COL25A1: variants seen among roughly 807,000 people sequenced by gnomAD.
The protein encoded by COL25A1 is collagen alpha-1(XXV) chain.
COL25A1 carries 103 observed loss-of-function variants against 128.4 expected under a neutral mutation model. That is an observed-to-expected ratio of 0.80 (90% CI 0.68 to 0.94). COL25A1 has a LOEUF of 0.94. Among genes scored for constraint, COL25A1 ranks in the 40% least tolerant of loss-of-function variants. The pLI, the probability that COL25A1 is intolerant of heterozygous loss-of-function variation, is 0.00. For missense variants in COL25A1, 745 were observed against 840.0 expected, an observed-to-expected ratio of 0.89 and a Z score of 1.40; for synonymous variants, 279 against 277.2, an observed-to-expected ratio of 1.01 and a Z score of -0.06.
At position 109,301,694 on chromosome 4, in the gene COL25A1, C is replaced by A. The variant is rs1312839606; in HGVS notation, c.297+29G>T. On this transcript the variant is annotated intron_variant, in intron 2 of 37. Transcript: ENST00000399132. ...AGTCACGCTTGTACAAGATGTTACC[C>A]ACGTGCAAAATACCCCAGCCTCTCA... The A allele has an allele frequency of 2.5e-6, 4 of 1,598,048 alleles. No homozygotes were observed. The African/African-American group carries it at 5.4e-5, about 21-fold the overall frequency.
At chr4:109,093,105 A>G (rs1037999077) in intron 3 of COL25A1, among the ~76,000 whole-genome samples, 3 of 152,156 alleles carry the variant, frequency 2.0e-5, no homozygotes, top group African/African-American at 7.2e-5. Flanking sequence ...GAACAAAACA[A>G]GAAGTCTTAA....
At chr4:108,815,143 T>G (rs183410930) in intron 37 of COL25A1, among the ~76,000 whole-genome samples, 1 of 152,244 alleles carries the variant, frequency 6.6e-6, no homozygotes, top group East Asian at 1.9e-4. Flanking sequence ...GAAAACTAAT[T>G]TAAAAAAAGA....
chr4:108,963,026 T>C (rs999561682), intron 8 of COL25A1, among the ~76,000 whole-genome samples: 4 of 152,224 alleles, frequency 2.6e-5, no homozygotes, highest in Non-Finnish European at 4.4e-5. Flanking sequence ...GGTATGCTTA[T>C]GAAAGGATGC....
intron 3 of COL25A1, among the ~76,000 whole-genome samples, chr4:109,051,054 T>C (rs1343916742): frequency 6.6e-6 from 1 of 152,124 alleles, no homozygotes; most frequent in Non-Finnish European, 1.5e-5. Flanking sequence ...TTCAGGCAAA[T>C]AGAAGAGAAT....
At chr4:109,085,441 CCA>C (rs773712025) in intron 3 of COL25A1, among the ~76,000 whole-genome samples, 11 of 152,162 alleles carry the variant, frequency 7.2e-5, no homozygotes, top group Non-Finnish European at 1.6e-4. Flanking sequence ...CCTTCTGATT[CCA>C]CTTACTCCGT....
intron 3 of COL25A1, among the ~76,000 whole-genome samples, chr4:109,251,381 T>C (rs1486960749): frequency 6.6e-6 from 1 of 152,202 alleles, no homozygotes; most frequent in East Asian, 1.9e-4. Flanking sequence ...TCTAGGCTGT[T>C]AGCAGTCCTG....
intron 18 of COL25A1, among the ~76,000 whole-genome samples, chr4:108,885,321 C>T (rs1318423190): frequency 6.6e-6 from 1 of 152,112 alleles, no homozygotes; most frequent in African/African-American, 2.4e-5. Flanking sequence ...CTGGTGTTAT[C>T]ACAAAGTGAT....
chr4:108,884,061 G>A, intron 19 of COL25A1, 117 bp downstream of exon 19: 1 of 918,988 alleles, frequency 1.1e-6, no homozygotes, highest in South Asian at 1.8e-5. Flanking sequence ...GATGGCTGGA[G>A]AGTACTTAGA....
At chr4:108,982,445 G>A (rs989999937) in intron 6 of COL25A1, among the ~76,000 whole-genome samples, 4 of 152,112 alleles carry the variant, frequency 2.6e-5, no homozygotes, top group African/African-American at 4.8e-5. Context: ...CTAGTCACCC[G>A]TAGCATAGAG....
At chr4:108,814,643 G>A (rs1437389678) in intron 37 of COL25A1, among the ~76,000 whole-genome samples, 5 of 152,188 alleles carry the variant, frequency 3.3e-5, no homozygotes, top group African/African-American at 1.2e-4. Context: ...TTAAGTCAGA[G>A]GTCTGAGGAA....
intron 24 of COL25A1, among the ~76,000 whole-genome samples, chr4:108,857,665 G>C (rs1186014517): frequency 6.6e-6 from 1 of 151,564 alleles, no homozygotes; most frequent in African/African-American, 2.4e-5. Context: ...GATTGTGTTA[G>C]TAAAATCATA....
At chr4:108,948,637 A>T (rs1269190390) in intron 8 of COL25A1, among the ~76,000 whole-genome samples, 1 of 152,000 alleles carries the variant, frequency 6.6e-6, no homozygotes, top group African/African-American at 2.4e-5. Context: ...TCTTTTTTAT[A>T]GATACTCTGA....
At chr4:109,296,496 T>A (rs1260209449) in intron 3 of COL25A1, among the ~76,000 whole-genome samples, 2 of 152,072 alleles carry the variant, frequency 1.3e-5, no homozygotes, top group Non-Finnish European at 2.9e-5. Flanking sequence ...ATACCAAGTC[T>A]GCCTTGTACA....
chr4:109,302,062 C>T lies in COL25A1; in HGVS notation c.-43G>A. The T allele has an allele frequency of 6.5e-7, 1 of 1,531,326 alleles. No homozygotes were observed. The highest frequency in any genetic ancestry group is 8.7e-7 in the Non-Finnish European group (1 of 1,148,770). The allele number at this position is 1,531,326 out of a possible 1,614,324, so 94.9% of individuals were successfully genotyped here. On this transcript the variant is annotated 5_prime_UTR_variant, in exon 2 of 38. Transcript: ENST00000399132. Reference sequence around the variant, plus strand: ...TCTCGGCTTCGCTTCCCACCCTCTACACCTCAAATAATCCTAAAAGGAAAG... The same window carrying T: ...TCTCGGCTTCGCTTCCCACCCTCTATACCTCAAATAATCCTAAAAGGAAAG...
intron 11 of COL25A1, among the ~76,000 whole-genome samples, chr4:108,926,467 C>G (rs1746076001): frequency 6.6e-6 from 1 of 152,086 alleles, no homozygotes; most frequent in Non-Finnish European, 1.5e-5. Flanking sequence ...AAGAATTTTT[C>G]CACGATTTAA....
At chr4:109,089,762 T>C (rs921494993) in intron 3 of COL25A1, among the ~76,000 whole-genome samples, 3 of 152,240 alleles carry the variant, frequency 2.0e-5, no homozygotes, top group South Asian at 2.1e-4. Flanking sequence ...TGCAACAACA[T>C]GCCTGGCTAA....
At chr4:108,927,496 T>C (rs1405783778) in intron 11 of COL25A1, among the ~76,000 whole-genome samples, 4 of 16,032 alleles carry the variant, frequency 2.5e-4, no homozygotes, top group African/African-American at 4.0e-4. Context: ...GAGTTCCCAG[T>C]TTGAGGCAGT....
At chr4:109,108,551 T>C (rs565681786) in intron 3 of COL25A1, among the ~76,000 whole-genome samples, 221 of 152,248 alleles carry the variant, frequency 1.5e-3, no homozygotes, top group African/African-American at 4.8e-3. Context: ...TACCTAGTAA[T>C]GGGATGGCTG....
At chr4:108,869,190 C>A (rs369200118) in intron 19 of COL25A1, 40 bp from the exon 20 acceptor site, 3 of 754,488 alleles carry the variant, frequency 4.0e-6, no homozygotes, top group Non-Finnish European at 6.3e-6. Context: ...AATCATTTGA[C>A]AATAAATAAA....
Sources: gnomAD v4.1 joint callset for allele counts (sites outside exome capture counted in the v4.1 genomes callset) on GRCh38, gnomAD v4.1.1 for gene constraint, MANE v1.5 for transcripts, NCBI Gene and HGNC (gene_info 2026-07-23, HGNC 2026-07-21) for gene names.